Variants in RALA observed in about 807,000 individuals in gnomAD.
RALA encodes ras-related protein Ral-A.
A neutral mutation model predicts 24.0 loss-of-function variants in RALA; 5 were observed. The observed-to-expected ratio is 0.21, with a 90% CI of 0.11 to 0.44. RALA has a LOEUF of 0.44. Among genes scored for constraint, RALA ranks in the 20% least tolerant of loss-of-function variants. The pLI, the probability that RALA is intolerant of heterozygous loss-of-function variation, is 0.99. For synonymous variants in RALA, 77 were observed against 83.8 expected (o/e 0.92, Z 0.44); for missense variants, 95 against 241.2 (o/e 0.39, Z 4.01).
At chr7:39,675,615 A>G (rs1346852856) in intron 1 of RALA, among the ~76,000 whole-genome samples, 2 of 151,872 alleles carry the variant, frequency 1.3e-5, no homozygotes, top group African/African-American at 2.4e-5. Flanking sequence ...AGTCCTAGTT[A>G]CTCAGGTGGC....
intron 1 of RALA, among the ~76,000 whole-genome samples, chr7:39,626,407 G>A (rs1791487080): frequency 6.6e-6 from 1 of 152,218 alleles, no homozygotes; most frequent in Admixed American, 6.5e-5. Flanking sequence ...AGAGCACTGA[G>A]TATTATTGCA....
At chr7:39,640,971 A>G (rs1436427193) in intron 1 of RALA, among the ~76,000 whole-genome samples, 1 of 152,130 alleles carries the variant, frequency 6.6e-6, no homozygotes, top group Non-Finnish European at 1.5e-5. Context: ...AGTCACCTTT[A>G]TCTCCAGATT....
At chr7:39,673,338 C>CT (rs1425826823) in intron 1 of RALA, among the ~76,000 whole-genome samples, 1 of 151,956 alleles carries the variant, frequency 6.6e-6, no homozygotes. Context: ...AATTAATAGT[C>CT]TTTTTTTACT....
intron 3 of RALA, among the ~76,000 whole-genome samples, chr7:39,694,778 C>T (rs996905299): frequency 1.3e-5 from 2 of 151,930 alleles, no homozygotes; most frequent in African/African-American, 4.8e-5. Context: ...TACAGTGGCT[C>T]ACAGCAGTAA....
At chr7:39,669,149 C>T (rs182536886) in intron 1 of RALA, among the ~76,000 whole-genome samples, 61 of 152,036 alleles carry the variant, frequency 4.0e-4, no homozygotes, top group South Asian at 2.7e-3. Flanking sequence ...ACAAGTGGGA[C>T]GTAAGTAGTA....
intron 1 of RALA, among the ~76,000 whole-genome samples, chr7:39,668,797 C>CA (rs70996827): frequency 0.13 from 10,375 of 81,628 alleles, 448 homozygotes; most frequent in Admixed American, 0.23. Flanking sequence ...AATTCCATCT[C>CA]AAAAAAAAAA....
chr7:39,677,425 G>A (rs1253708214), intron 1 of RALA, among the ~76,000 whole-genome samples: 1 of 130,132 alleles, frequency 7.7e-6, no homozygotes, highest in African/African-American at 3.0e-5. Flanking sequence ...TGGTGTATAT[G>A]TGCCACATTT....
rs1172463497 is a variant in RALA at position 39,641,303 on chromosome 7, A to G, written c.-38+17478A>G. ...TATTTATTTTCTGATTAATTTTAAC[A>G]TTAAATCAGACTTTACTAATAGCAC... On this transcript the variant is annotated intron_variant, in intron 1 of 4. Transcript: ENST00000005257. 2.0e-5 allele frequency among the ~76,000 whole-genome samples: 3 copies of G among 152,350 alleles called. No homozygotes were observed. The East Asian group carries it at 5.8e-4, about 29-fold the overall frequency.
intron 1 of RALA, among the ~76,000 whole-genome samples, chr7:39,637,657 T>TA (rs1791707015): frequency 6.6e-6 from 1 of 152,252 alleles, no homozygotes; most frequent in African/African-American, 2.4e-5. Context: ...AATGCACAGA[T>TA]AACTGTATTG....
At chr7:39,626,614 C>T (rs901939911) in intron 1 of RALA, among the ~76,000 whole-genome samples, 1 of 152,174 alleles carries the variant, frequency 6.6e-6, no homozygotes, top group Non-Finnish European at 1.5e-5. Flanking sequence ...GTGTTATCAC[C>T]GTCCATGTGT....
At chr7:39,658,260 C>T (rs1289663267) in intron 1 of RALA, among the ~76,000 whole-genome samples, 1 of 152,128 alleles carries the variant, frequency 6.6e-6, no homozygotes, top group African/African-American at 2.4e-5. Context: ...TCCTTTTTCT[C>T]CTTCAGCTGC....
intron 1 of RALA, among the ~76,000 whole-genome samples, chr7:39,673,435 C>G (rs1383182494): frequency 6.6e-6 from 1 of 151,942 alleles, no homozygotes; most frequent in Non-Finnish European, 1.5e-5. Flanking sequence ...CTTTATGTTA[C>G]TTAAGTGTTA....
chr7:39,681,990 A>G (rs1237290844), intron 1 of RALA, among the ~76,000 whole-genome samples: 2 of 152,210 alleles, frequency 1.3e-5, no homozygotes, highest in African/African-American at 2.4e-5. Flanking sequence ...CATCCAGTCA[A>G]TCAGGAAGTC....
intron 1 of RALA, among the ~76,000 whole-genome samples, chr7:39,656,910 G>A (rs11982740): frequency 0.015 from 2,230 of 152,212 alleles, 37 homozygotes; most frequent in African/African-American, 0.049. Flanking sequence ...AGAATCTCTT[G>A]GATCATACCA....
intron 1 of RALA, among the ~76,000 whole-genome samples, chr7:39,652,140 C>G (rs2115971132): frequency 6.6e-6 from 1 of 152,234 alleles, no homozygotes; most frequent in South Asian, 2.1e-4. Context: ...ATGTGGTGTC[C>G]TCCTATGGCA....
At chr7:39,690,298 C>A in intron 2 of RALA, 84 bp from the exon 3 acceptor site, 1 of 1,186,686 alleles carries the variant, frequency 8.4e-7, no homozygotes, top group Non-Finnish European at 1.2e-6. Flanking sequence ...ACTATTTTGG[C>A]AGCTTCACAT....
At chr7:39,638,919 G>C (rs1791731499) in intron 1 of RALA, among the ~76,000 whole-genome samples, 1 of 152,196 alleles carries the variant, frequency 6.6e-6, no homozygotes, top group Non-Finnish European at 1.5e-5. Context: ...GTACATTTAT[G>C]TTTAACCTCT....
At chr7:39,683,706 A>T (rs1458625009) in intron 1 of RALA, among the ~76,000 whole-genome samples, 1 of 152,146 alleles carries the variant, frequency 6.6e-6, no homozygotes, top group Non-Finnish European at 1.5e-5. Flanking sequence ...TTATTAGGAA[A>T]TGTTTGCACT....
intron 2 of RALA, among the ~76,000 whole-genome samples, chr7:39,689,596 G>T (rs578003815): frequency 2.8e-4 from 42 of 152,268 alleles, no homozygotes; most frequent in African/African-American, 9.9e-4. Flanking sequence ...AAATGTCTGT[G>T]TGTAAATGAA....
Sources: allele counts gnomAD v4.1 joint callset (sites outside exome capture counted in the v4.1 genomes callset), GRCh38; gene constraint gnomAD v4.1.1; transcripts MANE v1.5; gene names NCBI Gene and HGNC (gene_info 2026-07-23, HGNC 2026-07-21).